The following SPATA7 variants were observed in gnomAD, a reference collection of about 807,000 sequenced individuals.
The protein encoded by SPATA7 is spermatogenesis-associated protein 7.
A neutral mutation model predicts 51.8 loss-of-function variants in SPATA7; 43 were observed. The ratio of observed to expected loss-of-function variants is 0.83; its 90% confidence interval spans 0.65 to 1.07. SPATA7 has a LOEUF of 1.07. Among genes scored for constraint, SPATA7 ranks in the 50% least tolerant of loss-of-function variants. The pLI, the probability that SPATA7 is intolerant of heterozygous loss-of-function variation, is 0.00. For synonymous variants in SPATA7, 230 were observed against 252.8 expected, an observed-to-expected ratio of 0.91 and a Z score of 0.86; for missense variants, 683 against 701.3, an observed-to-expected ratio of 0.97 and a Z score of 0.30.
At chr14:88,453,869 G>T (rs186750830) in intron 3 of SPATA7, among the ~76,000 whole-genome samples, 388 of 152,262 alleles carry the variant, frequency 2.5e-3, no homozygotes, top group Non-Finnish European at 4.3e-3. Flanking sequence ...TTTAAAGACT[G>T]GGAGGAAGAT....
intron 4 of SPATA7, among the ~76,000 whole-genome samples, chr14:88,462,764 T>TA (rs1412768707): frequency 6.6e-6 from 1 of 152,230 alleles, no homozygotes; most frequent in Non-Finnish European, 1.5e-5. Flanking sequence ...AGTTAAGGAA[T>TA]AATGATCAAA....
chr14:88,412,295 A>C (rs1037426445), intron 4 of SPATA7, among the ~76,000 whole-genome samples: 3 of 151,038 alleles, frequency 2.0e-5, no homozygotes, highest in Non-Finnish European at 4.4e-5. Context: ...CTAATGAAAT[A>C]TATATATAAA....
At chr14:88,439,020 T>A (rs1410667699), downstream of SPATA7, among the ~76,000 whole-genome samples, 3 of 152,176 alleles carry the variant, frequency 2.0e-5, no homozygotes, top group Non-Finnish European at 4.4e-5. Flanking sequence ...AACACAGGAA[T>A]CACTGGGGTC....
chr14:88,433,273 T>G, intron 10 of SPATA7, 61 bp downstream of exon 10: 1 of 1,160,508 alleles, frequency 8.6e-7, no homozygotes, highest in South Asian at 1.3e-5. Context: ...TTCATATTTC[T>G]TCATATGATG....
intron 2 of SPATA7, among the ~76,000 whole-genome samples, chr14:88,393,070 C>G (rs1187513689): frequency 6.6e-6 from 1 of 151,844 alleles, no homozygotes; most frequent in Non-Finnish European, 1.5e-5. Context: ...AAGCAAGCAG[C>G]TAAACATCCT....
chr14:88,456,693 T>C (rs1235013522), downstream of SPATA7, among the ~76,000 whole-genome samples: 1 of 152,154 alleles, frequency 6.6e-6, no homozygotes, highest in Non-Finnish European at 1.5e-5. Context: ...ACTCTGATGG[T>C]AGTTTCTTTT....
intron 10 of SPATA7, among the ~76,000 whole-genome samples, chr14:88,435,870 A>G (rs2077073022): frequency 6.6e-6 from 1 of 152,178 alleles, no homozygotes; most frequent in Non-Finnish European, 1.5e-5. Context: ...GCTGTCATAA[A>G]CAGTGCTACG....
intron 3 of SPATA7, among the ~76,000 whole-genome samples, chr14:88,453,692 T>A (rs2077266601): frequency 6.6e-6 from 1 of 152,238 alleles, no homozygotes; most frequent in South Asian, 2.1e-4. Context: ...TAATTTATAT[T>A]TGAAGTAGAA....
chr14:88,406,607 G>A (rs1466480192), intron 4 of SPATA7: 1 of 150,838 alleles, frequency 6.6e-6, no homozygotes, highest in East Asian at 1.9e-4. Context: ...AAATGTCCAG[G>A]TGTTCTTTTT....
Position 88,469,944 on chromosome 14 carries a change from A to G in SPATA7, c.*77A>G, listed in dbSNP as rs758850866. The G allele has an allele frequency of 1.9e-6, 3 of 1,614,106 alleles. No homozygotes were observed. Among genetic ancestry groups the G allele is most frequent in the Non-Finnish European group, 2.5e-6 (3 of 1,179,998 alleles). On this transcript the variant is annotated 3_prime_UTR_variant, in exon 5 of 5. Transcript: ENST00000556406. This position sits in a 1 kb window ranked among gnomAD's most constrained non-coding sequence, Gnocchi z 4.3. ...TACCTCTTCTGCTGTCACCATTGCT[A>G]TAATTGCAATTCCCTGTTCCCATAC...
At chr14:88,406,183 G>C (rs1232598889) in intron 4 of SPATA7, among the ~76,000 whole-genome samples, 1 of 152,084 alleles carries the variant, frequency 6.6e-6, no homozygotes, top group Admixed American at 6.5e-5. Context: ...TGTCATAGCA[G>C]ACTACTGACT....
chr14:88,440,517 T>C (rs1191732779), downstream of SPATA7, among the ~76,000 whole-genome samples: 1 of 152,194 alleles, frequency 6.6e-6, no homozygotes, highest in Non-Finnish European at 1.5e-5. Flanking sequence ...ACTTAAACTC[T>C]TCTAGCAGCA....
chr14:88,430,341 A>T, intron 8 of SPATA7, among the ~76,000 whole-genome samples: 1 of 152,160 alleles, frequency 6.6e-6, no homozygotes, highest in East Asian at 1.9e-4. Flanking sequence ...GTTTCAACAC[A>T]TATAACTTAT....
intron 4 of SPATA7, among the ~76,000 whole-genome samples, chr14:88,406,228 A>G (rs1475451732): frequency 6.6e-6 from 1 of 152,086 alleles, no homozygotes; most frequent in African/African-American, 2.4e-5. Flanking sequence ...AGTTTATTGA[A>G]TTATTTAAAT....
chr14:88,427,468 C>G (rs1056353348), intron 6 of SPATA7, among the ~76,000 whole-genome samples, 162 bp from the exon 7 acceptor site: 1 of 151,988 alleles, frequency 6.6e-6, no homozygotes, highest in African/African-American at 2.4e-5. Flanking sequence ...GATGAGTCTG[C>G]AGATATTTAA....
In SPATA7 at chr14:88,390,609, A is replaced by AAAAC. The variant is rs148552179; in HGVS notation, c.20-772_20-771insAAAC. 8.1e-3 allele frequency among the ~76,000 whole-genome samples: 1,237 copies of AAAAC among 152,296 alleles called. 6 individuals are homozygous for AAAAC. Among genetic ancestry groups the AAAAC allele is most frequent in the African/African-American group, 0.028 (1,177 of 41,560 alleles). On this transcript the variant is annotated intron_variant, in intron 1 of 11. Coordinates refer to ENST00000393545, the MANE Select transcript of SPATA7 (RefSeq NM_018418.5). Reference sequence around the variant, plus strand: ...TGTCCACATTTGGGTTTTATGCCTAACCCTGACAGTGGGGTCAGCTCTATT... The same window carrying AAAAC: ...TGTCCACATTTGGGTTTTATGCCTAAAAACCCCTGACAGTGGGGTCAGCTCTATT...
intron 1 of SPATA7, among the ~76,000 whole-genome samples, chr14:88,386,597 G>A (rs927800978): frequency 6.6e-6 from 1 of 152,136 alleles, no homozygotes; most frequent in African/African-American, 2.4e-5. Context: ...ACATCATGTG[G>A]TGGGGTTGGG....
intron 4 of SPATA7, among the ~76,000 whole-genome samples, chr14:88,461,958 A>G (rs955786063): frequency 6.6e-6 from 1 of 152,124 alleles, no homozygotes; most frequent in African/African-American, 2.4e-5. Flanking sequence ...TCTAGAAATA[A>G]ACTTGTTGTC....
At chr14:88,427,322 A>G (rs2076821236) in intron 6 of SPATA7, among the ~76,000 whole-genome samples, 1 of 152,232 alleles carries the variant, frequency 6.6e-6, no homozygotes, top group Non-Finnish European at 1.5e-5. Context: ...GAGATTTAGC[A>G]GATTTGTGAT....
Sources: allele counts gnomAD v4.1 joint callset (sites outside exome capture counted in the v4.1 genomes callset), GRCh38; gene constraint gnomAD v4.1.1; non-coding constraint Gnocchi (gnomAD v3.1); transcripts MANE v1.5; gene names NCBI Gene and HGNC (gene_info 2026-07-23, HGNC 2026-07-21).